Variants in UQCRC1 observed in about 807,000 individuals in gnomAD.
UQCRC1 encodes the protein cytochrome b-c1 complex subunit 1, mitochondrial.
In UQCRC1, 34 loss-of-function variants were observed where a neutral mutation model predicts 58.0. That is an observed-to-expected ratio of 0.59 (90% CI 0.45 to 0.78). The LOEUF (loss-of-function observed/expected upper bound fraction) is 0.78. Ranked by LOEUF, UQCRC1 falls within the 30% of genes least tolerant of loss-of-function variation. The probability of loss-of-function intolerance (pLI) is 0.00; values close to 1 mark genes in which losing one functional copy is unlikely to be tolerated. For synonymous variants in UQCRC1, 276 were observed against 248.8 expected (o/e 1.11, Z -1.03); for missense variants, 610 against 646.0 (o/e 0.94, Z 0.60).
In UQCRC1 at chr3:48,604,766, C is replaced by T; in HGVS notation, c.312G>A (p.Arg104=). 2.5e-6 allele frequency: 4 copies of T among 1,614,070 alleles called. No individual in the cohort carries two copies. Among genetic ancestry groups the T allele is most frequent in the Non-Finnish European group, 3.4e-6 (4 of 1,179,982 alleles). The change falls in exon 4 of 13, where the codon CGG becomes CGA. Residue 104 remains arginine (R), a synonymous_variant. Transcript: ENST00000203407. ...EHLAFKGTKN[R]PGSALEKEVE... is the part of the protein sequence containing the mutation. ...CCTCCTTCTCCAGGGCACTGCCAGG[C>T]CGATTCTTTGTTCCCTGGAACCAGA...
intron 8 of UQCRC1, 47 bp downstream of exon 8, chr3:48,600,928 C>A (rs1575512068): frequency 6.2e-7 from 1 of 1,603,012 alleles, no homozygotes; most frequent in Non-Finnish European, 8.5e-7. Flanking sequence ...AGCCCCAGCA[C>A]CCTCTCTTCC....
rs957097983 is a variant in UQCRC1, at chr3:48,609,215, G to C, written c.157C>G (p.Leu53Val). 8 of 1,612,942 alleles carry C rather than the reference G, an allele frequency of 5.0e-6. No homozygotes were observed. The highest frequency in any genetic ancestry group is 6.8e-6 in the Non-Finnish European group (8 of 1,179,792). The stretch of plus-strand genomic sequence containing the variant: ...GAGGCCACACGCAGGCCGTTGTCCA[G>C]CAGGCTAACCTGCGTCTCCGGCACG... Reference protein sequence around the residue: ...QFVPETQVSLLDNGLRVASEQ... With the variant: ...QFVPETQVSLVDNGLRVASEQ... Residue 53 changes from leucine to valine, a missense_variant, in exon 2 of 13, where the codon CTG becomes GTG. Coordinates refer to ENST00000203407, the MANE Select transcript of UQCRC1 (RefSeq NM_003365.3).
intron 11 of UQCRC1, 31 bp downstream of exon 11, chr3:48,600,032 C>T: frequency 3.1e-6 from 5 of 1,613,704 alleles, no homozygotes; most frequent in Non-Finnish European, 4.2e-6. Context: ...CAGGCCAAGA[C>T]TCCAGAACCT....
Position 48,600,160 on chromosome 3 carries a change from G to A in UQCRC1, c.1214-9C>T. Reference sequence around the variant, plus strand: ...ACACACAGGAGTAGTGCCTTTAAGGGTGAGAGAAGGCTCAGAGGTCCACCC... The same window carrying A: ...ACACACAGGAGTAGTGCCTTTAAGGATGAGAGAAGGCTCAGAGGTCCACCC... On this transcript the variant is annotated splice_polypyrimidine_tract_variant and intron_variant, in intron 10 of 12. Coordinates refer to ENST00000203407, the MANE Select transcript of UQCRC1 (RefSeq NM_003365.3). 6.2e-7 allele frequency: 1 copy of A among 1,613,920 alleles called. No homozygotes were observed. Among genetic ancestry groups the A allele is most frequent in the African/African-American group, 1.3e-5 (1 of 75,026 alleles).
chr3:48,599,798 C>A (rs1439924738), intron 11 of UQCRC1, 88 bp from the exon 12 acceptor site: 2 of 1,387,990 alleles, frequency 1.4e-6, no homozygotes, highest in African/African-American at 1.4e-5. Flanking sequence ...CAGAGATCTC[C>A]CACAGGCAGC....
intron 6 of UQCRC1, among the ~76,000 whole-genome samples, chr3:48,603,123 C>A (rs756168661): frequency 6.6e-6 from 1 of 152,184 alleles, no homozygotes; most frequent in Non-Finnish European, 1.5e-5. Context: ...AAAGCCCCTC[C>A]CCCAAACTCC....
In UQCRC1 at chr3:48,601,415, G is replaced by C. The variant is rs757885781; in HGVS notation, c.759C>G (p.Ile253Met). 6 of 1,614,098 alleles carry C rather than the reference G, an allele frequency of 3.7e-6. No individual in the cohort carries two copies. The African/African-American group carries it at 8.0e-5, about 22-fold the overall frequency. The change falls in exon 7 of 13, where the codon ATC becomes ATG. Residue 253 changes from isoleucine to methionine, a missense_variant. Coordinates refer to ENST00000203407, the MANE Select transcript of UQCRC1 (RefSeq NM_003365.3). ...LDLAQKHLGGIPWTYAEDAVP... is the reference protein window; with the variant it reads ...LDLAQKHLGGMPWTYAEDAVP... ...CAGCGTCCTCTGCATATGTCCATGG[G>C]ATGCCACCGAGGTGCTTCTGGGCGA...
chr3:48,609,375 A>AC (rs1423096713), intron 1 of UQCRC1, 73 bp from the exon 2 acceptor site: 25 of 1,541,330 alleles, frequency 1.6e-5, no homozygotes, highest in Non-Finnish European at 2.1e-5. Flanking sequence ...CCTCAGGAGG[A>AC]CCCCCGAACC....
At position 48,604,457 on chromosome 3, in the gene UQCRC1, G is replaced by T. The variant is rs369138486; in HGVS notation, c.428-26C>A. ...CTAGATGCAAGGAGGACATGTTTAG[G>T]TGCCAGGTGGACCACTGCAGACCAA... On this transcript the variant is annotated intron_variant, in intron 4 of 12. Coordinates refer to ENST00000203407, the MANE Select transcript of UQCRC1 (RefSeq NM_003365.3). The T allele has an allele frequency of 3.4e-5, 55 of 1,610,998 alleles. No individual in the cohort carries two copies. The South Asian group carries it at 5.5e-4, about 16-fold the overall frequency.
rs1420406941 is a variant in UQCRC1 at position 48,599,991 on chromosome 3, G to A, written c.1302+72C>T. 1.0e-5 allele frequency: 16 copies of A among 1,582,298 alleles called. No homozygotes were observed. The East Asian group carries it at 3.1e-4, about 31-fold the overall frequency. ...TATAGGAGCAGGCTGCGCTATGCCAGGCCCCAACCCTACACCTCCCAGGTG... is the reference window on the plus strand; with the variant it reads ...TATAGGAGCAGGCTGCGCTATGCCAAGCCCCAACCCTACACCTCCCAGGTG... On this transcript the variant is annotated intron_variant, in intron 11 of 12. Coordinates refer to ENST00000203407, the MANE Select transcript of UQCRC1 (RefSeq NM_003365.3).
At position 48,600,691 on chromosome 3, in the gene UQCRC1, C is replaced by T. The variant is rs371743809; in HGVS notation, c.1116G>A (p.Leu372=). 58 of 1,614,086 alleles carry T rather than the reference C, an allele frequency of 3.6e-5. No homozygotes were observed. In the Middle Eastern group the frequency reaches 8.2e-4, roughly 23 times the overall value. The change falls in exon 9 of 13, where the codon CTG becomes CTA. Residue 372 remains leucine (L), a synonymous_variant. Transcript: ENST00000203407. ...AGGCTGCCACTTACCACTGCCCTTG[C>T]AGGACGAACATCATGTCATCGATTT... ...RMKIDDMMFV[L]QGQWMRLCTS...
At chr3:48,603,678 AC>A (rs756208111) in intron 5 of UQCRC1, 35 bp from the exon 6 acceptor site, 3 of 1,591,636 alleles carry the variant, frequency 1.9e-6, no homozygotes, top group South Asian at 2.2e-5. Flanking sequence ...CAACACCTCT[AC>A]CACACTGGAG....
At chr3:48,599,843 G>T in intron 11 of UQCRC1, 133 bp from the exon 12 acceptor site, 2 of 1,100,280 alleles carry the variant, frequency 1.8e-6, no homozygotes, top group Non-Finnish European at 2.7e-6. Context: ...AGGAAAGGCA[G>T]AAGGGATCCC....
intron 12 of UQCRC1, 91 bp from the exon 13 acceptor site, chr3:48,599,283 C>T (rs2046339551): frequency 7.3e-7 from 1 of 1,366,588 alleles, no homozygotes. Flanking sequence ...AGATGCTGCC[C>T]AGAGCAGCAC....
In UQCRC1 at chr3:48,601,386, G is replaced by A. The variant is rs760529868; in HGVS notation, c.788C>T (p.Pro263Leu). 6.2e-7 allele frequency: 1 copy of A among 1,614,196 alleles called. No individual in the cohort carries two copies. The highest frequency in any genetic ancestry group is 8.5e-7 in the Non-Finnish European group (1 of 1,180,038). Residue 263 changes from proline to leucine, a missense_variant, in exon 7 of 13, where the codon CCC (proline) becomes CTC (leucine). Transcript: ENST00000203407. ...AGTGAAGCGGCATGGAGTAAGAGTG[G>A]GCACAGCGTCCTCTGCATATGTCCA... ...IPWTYAEDAV[P>L]TLTPCRFTGS... is the part of the protein sequence containing the mutation.
chr3:48,601,895 A>G (rs922341665), intron 6 of UQCRC1, among the ~76,000 whole-genome samples: 1 of 152,134 alleles, frequency 6.6e-6, no homozygotes, highest in Non-Finnish European at 1.5e-5. Context: ...GAGGGGGCAG[A>G]AAGAGGAGCT....
At chr3:48,601,590 A>G in intron 6 of UQCRC1, 123 bp from the exon 7 acceptor site, 1 of 865,820 alleles carries the variant, frequency 1.2e-6, no homozygotes, top group South Asian at 1.6e-5. Context: ...AGTATGTGAC[A>G]TTAGAACAGG....
rs757679214 is a variant in UQCRC1 at position 48,609,315 on chromosome 3, A to C, written c.70-13T>G. On this transcript the variant is annotated splice_polypyrimidine_tract_variant and intron_variant, in intron 1 of 12. Transcript: ENST00000203407. ...GCAGCAGGGCCGGCTGTGGAAGGGA[A>C]CAGCCGCGAGTGAGGACTCGGTCAG... 6.3e-7 allele frequency: 1 copy of C among 1,597,412 alleles called. No individual in the cohort carries two copies.
At position 48,599,623 on chromosome 3, in the gene UQCRC1, T is replaced by G; in HGVS notation, c.1378+12A>C. The G allele has an allele frequency of 6.2e-7, 1 of 1,613,636 alleles. No individual in the cohort carries two copies. Among genetic ancestry groups the G allele is most frequent in the African/African-American group, 1.3e-5 (1 of 74,994 alleles). ...GGAAATAAACAAAGAGCAGACCCCC[T>G]AGGCCACTTACCATATCCAGCCACT... On this transcript the variant is annotated intron_variant, in intron 12 of 12. Coordinates refer to ENST00000203407, the MANE Select transcript of UQCRC1 (RefSeq NM_003365.3).
Sources: allele counts gnomAD v4.1 joint callset (sites outside exome capture counted in the v4.1 genomes callset), GRCh38; gene constraint gnomAD v4.1.1; transcripts MANE v1.5; gene names NCBI Gene and HGNC (gene_info 2026-07-23, HGNC 2026-07-21).